TMC2: variants seen among roughly 807,000 people sequenced by gnomAD.
TMC2 encodes the protein transmembrane channel-like protein 2.
In TMC2, 102 loss-of-function variants were observed where a neutral mutation model predicts 105.9. The ratio of observed to expected loss-of-function variants is 0.96; its 90% CI spans 0.82 to 1.14. TMC2 has a LOEUF of 1.14. Ranked by LOEUF, TMC2 falls within the 50% of genes most tolerant of loss-of-function variation. The pLI is 0.00. For synonymous variants in TMC2, 402 were observed against 422.8 expected, an observed-to-expected ratio of 0.95 and a Z score of 0.60; for missense variants, 1,093 against 1,134.3, an observed-to-expected ratio of 0.96 and a Z score of 0.52.
chr20:2,617,757 C>G (rs2086495611), intron 16 of TMC2: 1 of 173,472 alleles, frequency 5.8e-6, no homozygotes, highest in Non-Finnish European at 1.2e-5. Context: ...GTCACCCAGG[C>G]TGGAGTGCAG....
intron 5 of TMC2, among the ~76,000 whole-genome samples, chr20:2,578,742 G>T (rs2086165390): frequency 6.6e-6 from 1 of 151,566 alleles, no homozygotes; most frequent in African/African-American, 2.4e-5. Context: ...TGCCAGACGT[G>T]GGTCTGAGAG....
At chr20:2,580,537 A>T (rs1422181102) in intron 7 of TMC2, among the ~76,000 whole-genome samples, 1 of 152,188 alleles carries the variant, frequency 6.6e-6, no homozygotes, top group Non-Finnish European at 1.5e-5. Context: ...CACCAAAAAA[A>T]CTTGGATTTG....
intron 16 of TMC2, chr20:2,618,034 T>A (rs1400566453): frequency 6.6e-6 from 1 of 152,316 alleles, no homozygotes; most frequent in African/African-American, 2.4e-5. Context: ...TTTCTTTGTG[T>A]TGGGAACTTT....
chr20:2,563,551 G>A (rs1482982891), intron 4 of TMC2, among the ~76,000 whole-genome samples: 1 of 152,078 alleles, frequency 6.6e-6, no homozygotes, highest in Non-Finnish European at 1.5e-5. Context: ...TTTATGTATA[G>A]CATAGTGACT....
chr20:2,607,286 A>G (rs908149335), intron 11 of TMC2, among the ~76,000 whole-genome samples: 3 of 152,114 alleles, frequency 2.0e-5, no homozygotes, highest in African/African-American at 7.2e-5. Context: ...GCTGGATGAG[A>G]GAGCTCCTGC....
intron 12 of TMC2, among the ~76,000 whole-genome samples, chr20:2,610,865 A>G (rs971580115): frequency 2.0e-5 from 3 of 152,036 alleles, no homozygotes; most frequent in African/African-American, 7.3e-5. Context: ...TTTTATCTTC[A>G]GCCTTTTCCA....
chr20:2,588,645 C>T (rs545469304), intron 7 of TMC2, among the ~76,000 whole-genome samples: 1 of 150,900 alleles, frequency 6.6e-6, no homozygotes, highest in South Asian at 2.1e-4. Context: ...TCCATCTTCT[C>T]TCTCCTTCTG....
chr20:2,589,640 C>A (rs1414040043), intron 7 of TMC2, among the ~76,000 whole-genome samples: 3 of 152,046 alleles, frequency 2.0e-5, no homozygotes, highest in African/African-American at 4.8e-5. Context: ...TCCAAAGCAA[C>A]TTCCCCTGCT....
In TMC2 at chr20:2,592,029, G is replaced by A. The variant is rs773012170; in HGVS notation, c.835-281G>A. 2.0e-5 allele frequency among the ~76,000 whole-genome samples: 3 copies of A among 152,176 alleles called. No individual in the cohort carries two copies. Among genetic ancestry groups the A allele is most frequent in the Non-Finnish European group, 4.4e-5 (3 of 68,030 alleles). On this transcript the variant is annotated intron_variant, in intron 7 of 19. Coordinates refer to ENST00000358864, the MANE Select transcript of TMC2 (RefSeq NM_080751.3). The surrounding 1 kb of genome is among the most constrained non-coding windows in gnomAD (Gnocchi z 4.9). ...CAGCCAGGCATGTTGGCAGGCACCT[G>A]TAATCCCAGCTACTCGGGAGACTGA... is the stretch of plus-strand genomic sequence containing the variant.
At chr20:2,638,951 A>G (rs1935426168) in intron 19 of TMC2, among the ~76,000 whole-genome samples, 2 of 152,086 alleles carry the variant, frequency 1.3e-5, no homozygotes, top group African/African-American at 4.8e-5. Flanking sequence ...GCTGGAATGC[A>G]GTGGTGTGAT....
At chr20:2,638,450 C>A (rs2086665335) in intron 19 of TMC2, among the ~76,000 whole-genome samples, 2 of 152,026 alleles carry the variant, frequency 1.3e-5, no homozygotes. Context: ...GTTTACTATA[C>A]TATACTTTTT....
At chr20:2,631,758 A>C (rs934542613) in intron 17 of TMC2, among the ~76,000 whole-genome samples, 15 of 142,450 alleles carry the variant, frequency 1.1e-4, no homozygotes, top group African/African-American at 1.6e-4. Flanking sequence ...CTTTGAGTTT[A>C]TCCTGCATGG....
At chr20:2,551,356 C>CT (rs35873821) in intron 2 of TMC2, among the ~76,000 whole-genome samples, 26,130 of 148,564 alleles carry the variant, frequency 0.18, 2,380 homozygotes, top group African/African-American at 0.21. Context: ...GATACACGTC[C>CT]TTTGTCAGAT....
At chr20:2,641,042 C>A in intron 19 of TMC2, 92 bp from the exon 20 acceptor site, 2 of 1,112,362 alleles carry the variant, frequency 1.8e-6, no homozygotes, top group Non-Finnish European at 2.7e-6. Flanking sequence ...AGGACTAAAA[C>A]CTACACACAC....
chr20:2,608,868 C>T (rs150173043), intron 11 of TMC2, among the ~76,000 whole-genome samples: 20 of 152,288 alleles, frequency 1.3e-4, no homozygotes, highest in Non-Finnish European at 2.4e-4. Context: ...ACTTTAAGTT[C>T]TTGTGGGCAG....
At chr20:2,589,480 T>C (rs538491823) in intron 7 of TMC2, among the ~76,000 whole-genome samples, 1 of 152,242 alleles carries the variant, frequency 6.6e-6, no homozygotes, top group African/African-American at 2.4e-5. Context: ...ATACTGTCTT[T>C]ATCTTTTAGC....
chr20:2,544,039 C>G (rs1200387378), intron 2 of TMC2, among the ~76,000 whole-genome samples: 1 of 150,206 alleles, frequency 6.7e-6, no homozygotes, highest in East Asian at 2.0e-4. Context: ...GTAGCTGGGA[C>G]TACAGGCGCT....
chr20:2,599,202 A>G (rs1030329069), intron 10 of TMC2, among the ~76,000 whole-genome samples: 1 of 151,882 alleles, frequency 6.6e-6, no homozygotes, highest in Non-Finnish European at 1.5e-5. Flanking sequence ...CAAAAGACAG[A>G]AGTTGCGGAG....
intron 2 of TMC2, among the ~76,000 whole-genome samples, chr20:2,550,056 A>G (rs761470496): frequency 9.2e-5 from 14 of 151,722 alleles, no homozygotes; most frequent in Non-Finnish European, 8.8e-5. Flanking sequence ...AGTGGTGCGC[A>G]CCTATAATCC....
Sources: allele counts gnomAD v4.1 joint callset (sites outside exome capture counted in the v4.1 genomes callset), GRCh38; gene constraint gnomAD v4.1.1; non-coding constraint Gnocchi (gnomAD v3.1); transcripts MANE v1.5; gene names NCBI Gene and HGNC (gene_info 2026-07-23, HGNC 2026-07-21).